The following SENP7 variants were observed in gnomAD, a reference collection of about 807,000 sequenced individuals.
SENP7 encodes sentrin-specific protease 7.
In SENP7, 64 loss-of-function variants were observed where a neutral mutation model predicts 141.2. The observed-to-expected ratio is 0.45, with a 90% CI of 0.37 to 0.56. The LOEUF is 0.56. Among genes scored for constraint, SENP7 ranks in the 20% least tolerant of loss-of-function variants. SENP7 has a pLI of 0.00. For synonymous variants in SENP7, 382 were observed against 426.4 expected (o/e 0.90, Z 1.28); for missense variants, 1,025 against 1,212.2 (o/e 0.85, Z 2.29).
intron 9 of SENP7, among the ~76,000 whole-genome samples, chr3:101,365,634 C>CAAAAAA (rs1010380283): frequency 1.6e-4 from 10 of 62,124 alleles, no homozygotes; most frequent in South Asian, 6.4e-4. Context: ...GACTCTGTCT[C>CAAAAAA]AAAAAAAAAA....
chr3:101,483,310 TA>T (rs1007765091), intron 3 of SENP7, among the ~76,000 whole-genome samples: 5 of 152,190 alleles, frequency 3.3e-5, no homozygotes, highest in African/African-American at 1.2e-4. Flanking sequence ...TAGGATCACC[TA>T]AGCTAATTAA....
At chr3:101,328,723 A>G (rs1266851102) in intron 20 of SENP7, 34 bp from the exon 21 acceptor site, 1 of 1,528,586 alleles carries the variant, frequency 6.5e-7, no homozygotes, top group Non-Finnish European at 9.0e-7. Flanking sequence ...ACTGCAATTA[A>G]AGCTATTTTG....
At chr3:101,378,453 GGAAA>G (rs892417098) in intron 6 of SENP7, among the ~76,000 whole-genome samples, 1 of 151,900 alleles carries the variant, frequency 6.6e-6, no homozygotes, top group African/African-American at 2.4e-5. Context: ...ATATGGAAAA[GGAAA>G]GAATCTCTGA....
intron 3 of SENP7, among the ~76,000 whole-genome samples, chr3:101,477,567 A>C (rs1010933297): frequency 8.5e-5 from 13 of 152,092 alleles, no homozygotes; most frequent in Non-Finnish European, 1.8e-4. Flanking sequence ...AAATTAGTAA[A>C]TGGCCGGACA....
chr3:101,337,518 G>A lies in SENP7; in HGVS notation c.2471C>T (p.Pro824Leu). The A allele has an allele frequency of 1.3e-6, 2 of 1,529,742 alleles. No homozygotes were observed. Among genetic ancestry groups the A allele is most frequent in the Non-Finnish European group, 1.8e-6 (2 of 1,112,364 alleles). The allele number at this position is 1,529,742 out of a possible 1,614,324, so 94.8% of individuals were successfully genotyped here. ...TAGAGGATTAACTTACGAAAGATTT[G>A]GATTATCTTCTGTTAAATTATTTTC... is the stretch of plus-strand genomic sequence containing the variant. The part of the protein sequence containing the change: ...RKENNLTEDN[P>L]NLSMAQRRHK... The change falls in exon 17 of 24, where the codon CCA (proline) becomes CTA (leucine). Residue 824 changes from proline to leucine, a missense_variant. Physicochemically the swap from Pro to Leu is moderately conservative, Grantham distance 98. This residue lies in a region of SENP7 where 295 missense variants were observed against 459.1 expected (regional missense o/e 0.64). Coordinates refer to ENST00000394095, the MANE Select transcript of SENP7 (RefSeq NM_020654.5).
chr3:101,424,392 G>A (rs1413711135), intron 4 of SENP7, among the ~76,000 whole-genome samples: 2 of 149,594 alleles, frequency 1.3e-5, no homozygotes, highest in Non-Finnish European at 2.9e-5. Context: ...AGCAGCATGT[G>A]ACTGTGCATG....
intron 4 of SENP7, among the ~76,000 whole-genome samples, chr3:101,451,776 G>A (rs1339757766): frequency 6.6e-6 from 1 of 152,128 alleles, no homozygotes; most frequent in Non-Finnish European, 1.5e-5. Context: ...GGCAAAAACT[G>A]GAAGCATTCC....
In SENP7 at chr3:101,348,066, A is replaced by G; in HGVS notation, c.1658-15T>C. On this transcript the variant is annotated splice_polypyrimidine_tract_variant and intron_variant, in intron 12 of 23. Transcript: ENST00000394095. ...ATTCAGGGACACTGAAACAAATAAA[A>G]GACAACAATTTAAAAAATTAATCCA... is the stretch of plus-strand genomic sequence containing the variant. 6.5e-7 allele frequency: 1 copy of G among 1,543,880 alleles called. No homozygotes were observed. The highest frequency in any genetic ancestry group is 1.3e-5 in the South Asian group (1 of 77,316).
chr3:101,398,990 G>A lies in SENP7; in HGVS notation c.548C>T (p.Pro183Leu). The A allele has an allele frequency of 1.2e-6, 2 of 1,613,482 alleles. No homozygotes were observed. Among genetic ancestry groups the A allele is most frequent in the Non-Finnish European group, 1.7e-6 (2 of 1,179,654 alleles). The stretch of plus-strand genomic sequence containing the variant: ...ACTCAAACTTCCCTCAGTTACAGGT[G>A]GGGTCCTTATGTATTTTCTTCCTAA... ...TELGRKYIRT[P>L]PVTEGSLSDT... Residue 183 changes from proline (P) to leucine (L), a missense_variant, in exon 6 of 24, where the codon CCA (proline) becomes CTA (leucine). By Grantham distance (98) the Pro-to-Leu change is moderately conservative. Around this residue, in one of 4 missense-constraint regions of SENP7, gnomAD observed 496 missense variants for 503.5 expected, o/e 0.99. Transcript: ENST00000394095.
chr3:101,428,485 G>C (rs192853132), intron 4 of SENP7, among the ~76,000 whole-genome samples: 5 of 152,216 alleles, frequency 3.3e-5, no homozygotes. Context: ...TGTTGGCTGC[G>C]TAAATGTCTT....
Position 101,489,977 on chromosome 3 carries a change from G to A in SENP7, c.186+3896C>T, listed in dbSNP as rs1435808792. 1.1e-4 allele frequency among the ~76,000 whole-genome samples: 16 copies of A among 152,316 alleles called. No homozygotes were observed. In the South Asian group the frequency reaches 2.7e-3, roughly 26 times the overall value. ...AGGCAGGCGGATCACCTGAGGTCAG[G>A]AGTTCAAGACCAGCCTGACCAACAT... On this transcript the variant is annotated intron_variant, in intron 3 of 23. Transcript: ENST00000394095.
At chr3:101,445,042 A>T (rs1449054773) in intron 4 of SENP7, among the ~76,000 whole-genome samples, 1 of 152,184 alleles carries the variant, frequency 6.6e-6, no homozygotes, top group African/African-American at 2.4e-5. Flanking sequence ...CATTATGCTC[A>T]AACTGTCAAA....
In SENP7 at chr3:101,381,017, C is replaced by T. The variant is rs150808904; in HGVS notation, c.678-8891G>A. Among the ~76,000 whole-genome samples, 45 of 152,200 alleles carry T rather than the reference C, an allele frequency of 3.0e-4. No individual in the cohort carries two copies. In the East Asian group the frequency reaches 6.6e-3, roughly 22 times the overall value. ...CAAAAAAAATGCATGCCATGTAATA[C>T]ATATTGTTCAGTAACCTGAATCATT... is the stretch of plus-strand genomic sequence containing the variant. On this transcript the variant is annotated intron_variant, in intron 6 of 23. Transcript: ENST00000394095.
chr3:101,419,495 A>G (rs998204128), intron 4 of SENP7, among the ~76,000 whole-genome samples: 2 of 152,204 alleles, frequency 1.3e-5, no homozygotes, highest in African/African-American at 4.8e-5. Context: ...GGTAGTTTAG[A>G]AGAATGGTGG....
chr3:101,467,373 G>A (rs1364365030), intron 3 of SENP7, among the ~76,000 whole-genome samples: 3 of 152,242 alleles, frequency 2.0e-5, no homozygotes, highest in Non-Finnish European at 2.9e-5. Flanking sequence ...CAGACAGACT[G>A]CCTCCTCAAG....
At chr3:101,428,031 C>T (rs926886767) in intron 4 of SENP7, among the ~76,000 whole-genome samples, 3 of 152,090 alleles carry the variant, frequency 2.0e-5, no homozygotes, top group Non-Finnish European at 4.4e-5. Flanking sequence ...TGAAATCATC[C>T]TTTTTTATGG....
At chr3:101,419,200 G>T (rs568677445) in intron 4 of SENP7, among the ~76,000 whole-genome samples, 17 of 152,270 alleles carry the variant, frequency 1.1e-4, no homozygotes, top group African/African-American at 3.9e-4. Flanking sequence ...CAAATGTTTT[G>T]AGTAAAGCTT....
intron 4 of SENP7, among the ~76,000 whole-genome samples, chr3:101,420,937 C>T (rs923261804): frequency 3.3e-5 from 5 of 151,994 alleles, no homozygotes; most frequent in African/African-American, 9.7e-5. Flanking sequence ...AATGCATGAA[C>T]CTGAACTTGA....
chr3:101,487,878 T>G lies in SENP7; in HGVS notation c.186+5995A>C, dbSNP rs529224463. On this transcript the variant is annotated intron_variant, in intron 3 of 23. Coordinates refer to ENST00000394095, the MANE Select transcript of SENP7 (RefSeq NM_020654.5). Reference sequence around the variant, plus strand: ...GTTACTGTGGGCTTATAATATAATTTGAAGTCAGGTACTGTGATGCCTCCA... The same window carrying G: ...GTTACTGTGGGCTTATAATATAATTGGAAGTCAGGTACTGTGATGCCTCCA... Among the ~76,000 whole-genome samples, 152 of 152,346 alleles carry G rather than the reference T, an allele frequency of 1.0e-3. 1 individual carries two copies. The highest frequency in any genetic ancestry group is 3.3e-3 in the African/African-American group (138 of 41,584).
Sources: allele counts gnomAD v4.1 joint callset (sites outside exome capture counted in the v4.1 genomes callset), GRCh38; gene constraint gnomAD v4.1.1; regional missense constraint gnomAD v4.1.1; transcripts MANE v1.5; gene names NCBI Gene and HGNC (gene_info 2026-07-23, HGNC 2026-07-21).